Variants in ADARB2 observed in about 807,000 individuals in gnomAD.
ADARB2 encodes the protein inactive double-stranded RNA-specific editase B2.
In ADARB2, 25 loss-of-function variants were observed where a neutral mutation model predicts 62.2. The ratio of observed to expected loss-of-function variants is 0.40; its 90% CI spans 0.29 to 0.56. ADARB2 has a LOEUF of 0.56. Among genes scored for constraint, ADARB2 ranks in the 20% least tolerant of loss-of-function variants. The pLI is 0.43. For missense variants in ADARB2, 1,071 were observed against 1,077.4 expected (o/e 0.99, Z 0.08); for synonymous variants, 572 against 500.8 (o/e 1.14, Z -1.90).
chr10:1,220,089 A>G (rs1432853979), intron 6 of ADARB2, among the ~76,000 whole-genome samples: 453 of 69,120 alleles, frequency 6.6e-3, no homozygotes, highest in Middle Eastern at 0.031. Context: ...TGATGGTGGT[A>G]ATGGTGATGG....
intron 3 of ADARB2, among the ~76,000 whole-genome samples, chr10:1,297,283 C>G (rs1463310629): frequency 6.6e-6 from 1 of 152,188 alleles, no homozygotes; most frequent in Admixed American, 6.5e-5. Flanking sequence ...TAGCCCCCGT[C>G]AGCCGTGGTT....
intron 1 of ADARB2, among the ~76,000 whole-genome samples, chr10:1,543,759 G>A (rs896734110): frequency 1.3e-5 from 2 of 152,150 alleles, no homozygotes; most frequent in African/African-American, 2.4e-5. Context: ...CCGGGCCTGC[G>A]TTCCTTCTTC....
intron 1 of ADARB2, among the ~76,000 whole-genome samples, chr10:1,647,115 T>TA: frequency 6.6e-6 from 1 of 152,252 alleles, no homozygotes; most frequent in Non-Finnish European, 1.5e-5. Flanking sequence ...AGGCATAATT[T>TA]AAAAAGATGC....
At chr10:1,267,886 A>C (rs1010253483) in intron 4 of ADARB2, among the ~76,000 whole-genome samples, 5 of 152,184 alleles carry the variant, frequency 3.3e-5, no homozygotes, top group Non-Finnish European at 7.4e-5. Flanking sequence ...TTCAGCTGTT[A>C]CAATCACTCA....
chr10:1,481,678 G>C (rs11250561), intron 1 of ADARB2, among the ~76,000 whole-genome samples: 1 of 152,014 alleles, frequency 6.6e-6, no homozygotes, highest in Non-Finnish European at 1.5e-5. Flanking sequence ...CCAACATGGT[G>C]AAACCCCATC....
chr10:1,370,274 A>ATT (rs1832356962), intron 2 of ADARB2, among the ~76,000 whole-genome samples: 2 of 49,142 alleles, frequency 4.1e-5, no homozygotes, highest in Non-Finnish European at 2.5e-4. Context: ...AAAAACTGTC[A>ATT]ACAAACTAGG....
chr10:1,359,311 A>G lies in ADARB2; in HGVS notation c.1077+3717T>C, dbSNP rs143971744. On this transcript the variant is annotated intron_variant, in intron 3 of 9. Coordinates refer to ENST00000381312, the MANE Select transcript of ADARB2 (RefSeq NM_018702.4). Reference sequence around the variant, plus strand: ...CCAGTACTGTAAACCCTACATGTTTAGGTCTGGTGTGAGTTCTAAGGAATC... The same window carrying G: ...CCAGTACTGTAAACCCTACATGTTTGGGTCTGGTGTGAGTTCTAAGGAATC... 2.5e-3 allele frequency among the ~76,000 whole-genome samples: 380 copies of G among 152,282 alleles called. 1 individual carries two copies. The highest frequency in any genetic ancestry group is 8.9e-3 in the African/African-American group (368 of 41,564).
At chr10:1,529,935 G>GACCCATCCATTGCTCCCGCCAACGCAGGC (rs541382866) in intron 1 of ADARB2, among the ~76,000 whole-genome samples, 1 of 149,758 alleles carries the variant, frequency 6.7e-6, no homozygotes, top group Admixed American at 6.6e-5. Context: ...CCACTGCAGG[G>GACCCATCCATTGCTCCCGCCAACGCAGGC]ACCCATTCAC....
At chr10:1,308,902 G>C (rs1831657890) in intron 3 of ADARB2, among the ~76,000 whole-genome samples, 1 of 152,110 alleles carries the variant, frequency 6.6e-6, no homozygotes. Flanking sequence ...TTGGAGAAGT[G>C]GTTTTCTAGG....
At position 1,478,784 on chromosome 10, in the gene ADARB2, C is replaced by G. The variant is rs1033812598; in HGVS notation, c.101-99624G>C. On this transcript the variant is annotated intron_variant, in intron 1 of 9. Transcript: ENST00000381312. Reference sequence around the variant, plus strand: ...GATGGGAGAGCGCCAAAATAAGGACCCTTGGACGGGAGAGCACCAAAATAA... The same window carrying G: ...GATGGGAGAGCGCCAAAATAAGGACGCTTGGACGGGAGAGCACCAAAATAA... Among the ~76,000 whole-genome samples the G allele has an allele frequency of 2.0e-5, 3 of 151,062 alleles. 1 individual carries two copies. The highest frequency in any genetic ancestry group is 4.0e-4 in the East Asian group (2 of 5,056).
At chr10:1,485,972 A>G (rs1054177099) in intron 1 of ADARB2, among the ~76,000 whole-genome samples, 2 of 152,186 alleles carry the variant, frequency 1.3e-5, no homozygotes, top group Non-Finnish European at 2.9e-5. Context: ...ATGTTTGTGA[A>G]GGCTTGGCAG....
chr10:1,653,540 G>A (rs557044346), intron 1 of ADARB2, among the ~76,000 whole-genome samples: 2 of 151,330 alleles, frequency 1.3e-5, no homozygotes, highest in African/African-American at 2.4e-5. Flanking sequence ...CAGACGCCTC[G>A]TGTGCCTGCA....
In ADARB2 at chr10:1,565,109, C is replaced by G. The variant is rs1215355453; in HGVS notation, c.100+171942G>C. ...CCTGTCCTTCTGATTACGCTGGCAC[C>G]AGGTCTTCTGTGAAATTTGCTTGAT... On this transcript the variant is annotated intron_variant, in intron 1 of 9. Transcript: ENST00000381312. Among the ~76,000 whole-genome samples the G allele has an allele frequency of 8.5e-5, 13 of 152,306 alleles. 1 individual carries two copies. Among genetic ancestry groups the G allele is most frequent in the Middle Eastern group, 3.4e-3 (1 of 294 alleles).
chr10:1,608,530 A>T (rs920725843), intron 1 of ADARB2, among the ~76,000 whole-genome samples: 3 of 150,280 alleles, frequency 2.0e-5, no homozygotes, highest in African/African-American at 7.4e-5. Flanking sequence ...AGGAGAATGG[A>T]GGAAGGAAAG....
At chr10:1,380,651 C>T (rs1832474959) in intron 1 of ADARB2, among the ~76,000 whole-genome samples, 1 of 152,180 alleles carries the variant, frequency 6.6e-6, no homozygotes, top group African/African-American at 2.4e-5. Context: ...CTGTTAACAG[C>T]TGTTGTTTCC....
chr10:1,287,900 G>A (rs1831427955), intron 3 of ADARB2, among the ~76,000 whole-genome samples: 1 of 152,222 alleles, frequency 6.6e-6, no homozygotes, highest in Non-Finnish European at 1.5e-5. Context: ...CACAGCTTGG[G>A]TGTGTTATTT....
chr10:1,404,276 C>T (rs1419735663), intron 1 of ADARB2, among the ~76,000 whole-genome samples: 4 of 152,200 alleles, frequency 2.6e-5, no homozygotes, highest in East Asian at 1.9e-4. Context: ...GGGCATGGAA[C>T]GGCTCACGGG....
chr10:1,281,258 T>A (rs1241007087), intron 3 of ADARB2, among the ~76,000 whole-genome samples: 2 of 152,180 alleles, frequency 1.3e-5, no homozygotes, highest in Non-Finnish European at 2.9e-5. Flanking sequence ...TGGAGGCAGG[T>A]CTTGAGCATG....
chr10:1,305,714 G>C (rs1209901676), intron 3 of ADARB2, among the ~76,000 whole-genome samples: 3 of 151,884 alleles, frequency 2.0e-5, no homozygotes, highest in African/African-American at 7.3e-5. Context: ...ATGATCAAGT[G>C]GGCTTCATCC....
Sources: allele counts gnomAD v4.1 joint callset (sites outside exome capture counted in the v4.1 genomes callset), GRCh38; gene constraint gnomAD v4.1.1; transcripts MANE v1.5; gene names NCBI Gene and HGNC (gene_info 2026-07-23, HGNC 2026-07-21).